The following ARB2A variants were observed in gnomAD, a reference collection of about 807,000 sequenced individuals.
ARB2A encodes cotranscriptional regulator ARB2A.
chr5:94,041,424 T>C, the ARB2A span, among the ~76,000 whole-genome samples: 8 of 152,226 alleles, frequency 5.3e-5, no homozygotes, highest in East Asian at 3.9e-4. Flanking sequence ...GTCCAATTCC[T>C]GGCTTAGGGA....
chr5:94,008,406 A>G, the ARB2A span, among the ~76,000 whole-genome samples: 2 of 152,220 alleles, frequency 1.3e-5, no homozygotes, highest in Non-Finnish European at 2.9e-5. Context: ...GTAGATTCTC[A>G]TTCAGTAGGT....
chr5:94,029,243 C>T, the ARB2A span, among the ~76,000 whole-genome samples: 1 of 152,220 alleles, frequency 6.6e-6, no homozygotes, highest in Non-Finnish European at 1.5e-5. Flanking sequence ...TCACCCGCCT[C>T]AGCCTCCCAA....
the ARB2A span, among the ~76,000 whole-genome samples, chr5:93,980,902 T>C: frequency 2.0e-5 from 3 of 152,162 alleles, no homozygotes; most frequent in African/African-American, 4.8e-5. Flanking sequence ...AATATGCCTA[T>C]AGCTCTCCAT....
the ARB2A span, among the ~76,000 whole-genome samples, chr5:93,993,135 T>A: frequency 6.6e-6 from 1 of 152,120 alleles, no homozygotes; most frequent in Non-Finnish European, 1.5e-5. Context: ...TTTTATATCA[T>A]AGTATTTTGG....
the ARB2A span, among the ~76,000 whole-genome samples, chr5:93,688,257 AGCCACC>A: frequency 6.6e-6 from 1 of 152,184 alleles, no homozygotes; most frequent in Non-Finnish European, 1.5e-5. Context: ...TACAGGCGTA[AGCCACC>A]GCGCCTGGCC....
At chr5:94,054,364 C>T in the ARB2A span, among the ~76,000 whole-genome samples, 19 of 152,032 alleles carry the variant, frequency 1.2e-4, no homozygotes, top group African/African-American at 3.9e-4. Context: ...CTCAATCTTC[C>T]CTTCTTTTCC....
At chr5:93,834,300 G>A in the ARB2A span, among the ~76,000 whole-genome samples, 1 of 152,180 alleles carries the variant, frequency 6.6e-6, no homozygotes, top group Non-Finnish European at 1.5e-5. Flanking sequence ...TAAGGGCAGT[G>A]CCATATTCAA....
the ARB2A span, among the ~76,000 whole-genome samples, chr5:93,926,941 A>T: frequency 6.6e-6 from 1 of 151,950 alleles, no homozygotes; most frequent in Non-Finnish European, 1.5e-5. Context: ...GCAAAGACAG[A>T]GGAAGAAAAT....
chr5:93,709,452 G>T, the ARB2A span, among the ~76,000 whole-genome samples: 8 of 151,668 alleles, frequency 5.3e-5, no homozygotes, highest in Admixed American at 5.3e-4. Flanking sequence ...GGCCAACATG[G>T]TGAAACCCCA....
the ARB2A span, among the ~76,000 whole-genome samples, chr5:93,846,270 G>A: frequency 6.6e-6 from 1 of 151,960 alleles, no homozygotes; most frequent in Non-Finnish European, 1.5e-5. Context: ...TTAGGAGACT[G>A]AGTAGGGAGG....
At chr5:93,900,777 A>G in the ARB2A span, among the ~76,000 whole-genome samples, 6 of 152,140 alleles carry the variant, frequency 3.9e-5, no homozygotes, top group Non-Finnish European at 7.4e-5. Flanking sequence ...ACTAAAATAA[A>G]CCAGTAAAAC....
the ARB2A span, among the ~76,000 whole-genome samples, chr5:93,912,982 C>CA: frequency 6.6e-6 from 1 of 151,774 alleles, no homozygotes; most frequent in Non-Finnish European, 1.5e-5. Flanking sequence ...CTAACTGTAT[C>CA]AAAGTTCTTT....
chr5:93,838,605 C>G, the ARB2A span, among the ~76,000 whole-genome samples: 3 of 151,852 alleles, frequency 2.0e-5, no homozygotes, highest in African/African-American at 7.2e-5. Flanking sequence ...TTGATAGGAA[C>G]AGCATTGAAT....
At chr5:94,037,610 A>G in the ARB2A span, among the ~76,000 whole-genome samples, 50 of 152,242 alleles carry the variant, frequency 3.3e-4, no homozygotes, top group East Asian at 8.7e-3. Context: ...TCATTTTATA[A>G]CAGAGGCTTG....
the ARB2A span, among the ~76,000 whole-genome samples, chr5:93,783,252 T>TG: frequency 6.6e-6 from 1 of 152,172 alleles, no homozygotes; most frequent in African/African-American, 2.4e-5. Flanking sequence ...GCTTTCTATA[T>TG]GGTCATCAAA....
the ARB2A span, among the ~76,000 whole-genome samples, chr5:93,724,016 T>A: frequency 6.6e-6 from 1 of 152,112 alleles, no homozygotes; most frequent in African/African-American, 2.4e-5. Flanking sequence ...GCTTCACGTA[T>A]AAGAATTGCA....
At chr5:94,024,094 A>G in the ARB2A span, among the ~76,000 whole-genome samples, 1 of 152,190 alleles carries the variant, frequency 6.6e-6, no homozygotes, top group African/African-American at 2.4e-5. Context: ...AGGTATGATC[A>G]TTATATGTGA....
chr5:93,644,036 C>T, the ARB2A span, among the ~76,000 whole-genome samples: 17 of 152,240 alleles, frequency 1.1e-4, 1 homozygote, highest in South Asian at 3.3e-3. Context: ...GATCATACAG[C>T]GAAGGCCATA....
chr5:93,873,983 G>A, the ARB2A span, among the ~76,000 whole-genome samples: 1 of 152,134 alleles, frequency 6.6e-6, no homozygotes, highest in Admixed American at 6.5e-5. Flanking sequence ...GCAGGATAAG[G>A]GGAAAATTCA....
Sources: gnomAD v4.1 joint callset for allele counts (sites outside exome capture counted in the v4.1 genomes callset) on GRCh38, gnomAD v4.1.1 for gene constraint, MANE v1.5 for transcripts, NCBI Gene and HGNC (gene_info 2026-07-23, HGNC 2026-07-21) for gene names.